The following ASPM variants were observed in gnomAD, a reference collection of about 807,000 sequenced individuals.
ASPM encodes the protein abnormal spindle-like microcephaly-associated protein.
In ASPM, 256 loss-of-function variants were observed where a neutral mutation model predicts 366.4. The ratio of observed to expected loss-of-function variants is 0.70; its 90% confidence interval spans 0.63 to 0.77. The LOEUF (loss-of-function observed/expected upper bound fraction) is 0.77, where lower values mean the gene tolerates loss of function less well. Among genes scored for constraint, ASPM ranks in the 30% least tolerant of loss-of-function variants. ASPM has a pLI of 0.00. For missense variants in ASPM, 4,146 were observed against 4,090.4 expected, an observed-to-expected ratio of 1.01 and a Z score of -0.37; for synonymous variants, 1,414 against 1,342.9, an observed-to-expected ratio of 1.05 and a Z score of -1.16.
At chr1:197,091,456 G>T (rs1049474803) in intron 22 of ASPM, among the ~76,000 whole-genome samples, 7 of 151,646 alleles carry the variant, frequency 4.6e-5, no homozygotes, top group African/African-American at 1.5e-4. Flanking sequence ...ATGGAAAAAC[G>T]GGCAAAGTGT....
intron 17 of ASPM, among the ~76,000 whole-genome samples, chr1:197,116,115 C>A (rs1057079358): frequency 6.6e-6 from 1 of 152,180 alleles, no homozygotes; most frequent in Non-Finnish European, 1.5e-5. Context: ...TAACTTACTG[C>A]AGCTTCTACA....
chr1:197,110,114 T>C (rs1657537725), intron 17 of ASPM, among the ~76,000 whole-genome samples: 1 of 151,926 alleles, frequency 6.6e-6, no homozygotes, highest in African/African-American at 2.4e-5. Flanking sequence ...AACTAGAAAA[T>C]TCCAACTCAT....
chr1:197,107,029 C>T (rs566844680), intron 17 of ASPM, among the ~76,000 whole-genome samples: 12 of 152,034 alleles, frequency 7.9e-5, no homozygotes, highest in African/African-American at 2.2e-4. Flanking sequence ...GAGATATGGG[C>T]GCAGTCATGG....
chr1:197,101,357 G>A lies in ASPM; in HGVS notation c.7894C>T (p.Gln2632Ter), dbSNP rs199422175. The change falls in exon 18 of 28, where the codon CAG becomes TAG. Residue 2632 changes from glutamine to a stop codon, truncating the protein, a stop_gained. Transcript: ENST00000367409. LOFTEE classifies it high-confidence loss of function. Reference protein sequence around the residue: ...QEQHQAAIIIQKHCKAFKIRK... With the variant: ...QEQHQAAIII ...ATTTTAAAGGCTTTACAATGCTTCT[G>A]AATAATAATGGCAGCCTGGTGCTGT... The A allele has an allele frequency of 1.2e-6, 2 of 1,610,334 alleles. No individual in the cohort carries two copies. Among genetic ancestry groups the A allele is most frequent in the Non-Finnish European group, 1.7e-6 (2 of 1,178,880 alleles).
At position 197,103,120 on chromosome 1, in the gene ASPM, T is replaced by C. The variant is rs145645602; in HGVS notation, c.6131A>G (p.Asn2044Ser). 389 of 1,612,732 alleles carry C rather than the reference T, an allele frequency of 2.4e-4. No homozygotes were observed. The highest frequency in any genetic ancestry group is 3.2e-4 in the Non-Finnish European group (381 of 1,179,336). ...MKVRKRIKDCNKAAVTIQSKY... is the reference protein window; with the variant it reads ...MKVRKRIKDCSKAAVTIQSKY... ...AGACTGTATAGTGACTGCTGCTTTGTTGCAATCCTTTATTCTTTTTCTCAC... is the reference window on the plus strand; with the variant it reads ...AGACTGTATAGTGACTGCTGCTTTGCTGCAATCCTTTATTCTTTTTCTCAC... Residue 2044 changes from asparagine to serine, a missense_variant, in exon 18 of 28, where the codon AAC (asparagine) becomes AGC (serine). This residue lies in a region of ASPM where 3,624 missense variants were observed against 3,591.7 expected (regional missense o/e 1.01). Coordinates refer to ENST00000367409, the MANE Select transcript of ASPM (RefSeq NM_018136.5).
chr1:197,088,324 C>T lies in ASPM; in HGVS notation c.10093G>A (p.Gly3365Ser). ...EKPGNKVADK[G>S]GSIFTKTCCL... ...CAAGTTTTTGTAAAAATGCTTCCGC[C>T]TTTGTCTGCAACTTTATTACCAGGC... Residue 3365 changes from glycine (G) to serine (S), a missense_variant, in exon 26 of 28, where the codon GGC (glycine) becomes AGC (serine). Physicochemically the swap from Gly to Ser is moderately conservative, Grantham distance 56. Around this residue, in one of 3 missense-constraint regions of ASPM, gnomAD observed 3,624 missense variants for 3,591.7 expected, o/e 1.01. Coordinates refer to ENST00000367409, the MANE Select transcript of ASPM (RefSeq NM_018136.5). 6.2e-7 allele frequency: 1 copy of T among 1,613,456 alleles called. No individual in the cohort carries two copies. The highest frequency in any genetic ancestry group is 1.1e-5 in the South Asian group (1 of 91,052).
At chr1:197,093,784 A>G (rs1295742923) in intron 20 of ASPM, among the ~76,000 whole-genome samples, 1 of 151,858 alleles carries the variant, frequency 6.6e-6, no homozygotes, top group Non-Finnish European at 1.5e-5. Flanking sequence ...CAGGGTTGAC[A>G]GAAACCTTTA....
intron 18 of ASPM, among the ~76,000 whole-genome samples, chr1:197,097,526 G>C (rs1398523630): frequency 6.6e-6 from 1 of 151,748 alleles, no homozygotes; most frequent in African/African-American, 2.4e-5. Context: ...CGTATATTTA[G>C]ATTAGGTTCT....
chr1:197,093,007 G>C, intron 21 of ASPM, 45 bp downstream of exon 21: 2 of 1,474,144 alleles, frequency 1.4e-6, no homozygotes, highest in Non-Finnish European at 1.9e-6. Flanking sequence ...AACATCAAGT[G>C]CTTTCATTTT....
rs1244287923 is a variant in ASPM at position 197,134,058 on chromosome 1, C to T, written c.2174-463G>A. ...ACTTTTTTCTTTTTTTTTAAGTGATCTCTAAGATCACTGCTTAGAGAGCAT... is the reference window on the plus strand; with the variant it reads ...ACTTTTTTCTTTTTTTTTAAGTGATTTCTAAGATCACTGCTTAGAGAGCAT... On this transcript the variant is annotated intron_variant, in intron 5 of 27. Coordinates refer to ENST00000367409, the MANE Select transcript of ASPM (RefSeq NM_018136.5). Among the ~76,000 whole-genome samples the T allele has an allele frequency of 3.3e-5, 5 of 151,466 alleles. No individual in the cohort carries two copies. In the South Asian group the frequency reaches 8.3e-4, roughly 25 times the overall value.
chr1:197,135,265 G>C (rs1272167915), intron 4 of ASPM, 23 bp from the exon 5 acceptor site: 3 of 1,612,428 alleles, frequency 1.9e-6, no homozygotes, highest in Non-Finnish European at 2.5e-6. Flanking sequence ...TTAGGTTACT[G>C]CATAACAAAA....
At chr1:197,090,458 T>C (rs1656744331) in intron 23 of ASPM, 70 bp from the exon 24 acceptor site, 4 of 1,198,128 alleles carry the variant, frequency 3.3e-6, no homozygotes, top group African/African-American at 3.1e-5. Flanking sequence ...ACATCTGTTT[T>C]CACAATGTAA....
In ASPM at chr1:197,115,281, C is replaced by T. The variant is rs1448287000; in HGVS notation, c.4065+2508G>A. Among the ~76,000 whole-genome samples the T allele has an allele frequency of 2.0e-5, 3 of 152,176 alleles. No individual in the cohort carries two copies. The East Asian group carries it at 5.8e-4, about 29-fold the overall frequency. ...ATCATGAGATTGCTGCAATTCGGCA[C>T]ACCTTCAGGCACCACTTCTAATTCT... is the stretch of plus-strand genomic sequence containing the variant. On this transcript the variant is annotated intron_variant, in intron 17 of 27. Coordinates refer to ENST00000367409, the MANE Select transcript of ASPM (RefSeq NM_018136.5).
chr1:197,133,772 A>G (rs895729507), intron 5 of ASPM, among the ~76,000 whole-genome samples, 177 bp from the exon 6 acceptor site: 2 of 152,186 alleles, frequency 1.3e-5, no homozygotes, highest in Non-Finnish European at 2.9e-5. Flanking sequence ...TGCAAAATGT[A>G]TTCCAAGTCT....
chr1:197,123,048 A>C (rs968506005), intron 13 of ASPM, among the ~76,000 whole-genome samples: 1 of 152,198 alleles, frequency 6.6e-6, no homozygotes, highest in Non-Finnish European at 1.5e-5. Context: ...AACCTTGTTC[A>C]CAGGTGTTTC....
At position 197,129,917 on chromosome 1, in the gene ASPM, T is replaced by C. The variant is rs1557959501; in HGVS notation, c.2627A>G (p.Asp876Gly). Residue 876 changes from aspartate (D) to glycine (G), a missense_variant and splice_region_variant, in exon 8 of 28, where the codon GAT (aspartate) becomes GGT (glycine). Coordinates refer to ENST00000367409, the MANE Select transcript of ASPM (RefSeq NM_018136.5). The stretch of plus-strand genomic sequence containing the variant: ...GTAGGAGAGGCAGAGATACTTACCA[T>C]CTCTATACAGGTGAGGAACAGTGGG... Reference protein sequence around the residue: ...RHPTVPHLYRDGHEEALSKFT... With the variant: ...RHPTVPHLYRGGHEEALSKFT... 6 of 1,613,034 alleles carry C rather than the reference T, an allele frequency of 3.7e-6. No individual in the cohort carries two copies. In the African/African-American group the frequency reaches 4.0e-5, roughly 11 times the overall value.
In ASPM at chr1:197,133,601, TA is replaced by T; in HGVS notation, c.2174-7del. On this transcript the variant is annotated splice_region_variant and splice_polypyrimidine_tract_variant and intron_variant, in intron 5 of 27. Coordinates refer to ENST00000367409, the MANE Select transcript of ASPM (RefSeq NM_018136.5). ...AAGAAGAGTAGCAGCATTTACTGGG[TA>T]AAAACAAAAGAAAGAATGTTTCTGG... The T allele has an allele frequency of 6.2e-7, 1 of 1,611,976 alleles. No homozygotes were observed. The highest frequency in any genetic ancestry group is 8.5e-7 in the Non-Finnish European group (1 of 1,178,272).
At chr1:197,116,472 T>C (rs1460114927) in intron 17 of ASPM, among the ~76,000 whole-genome samples, 1 of 152,178 alleles carries the variant, frequency 6.6e-6, no homozygotes, top group Non-Finnish European at 1.5e-5. Context: ...GAAAAAGTGT[T>C]GCAGACTTGC....
chr1:197,089,827 T>C (rs776625229), intron 25 of ASPM, 103 bp downstream of exon 25: 4 of 1,137,474 alleles, frequency 3.5e-6, no homozygotes, highest in Non-Finnish European at 5.2e-6. Flanking sequence ...ATAAATGAAT[T>C]TAACTTAGAG....
Sources: allele counts gnomAD v4.1 joint callset (sites outside exome capture counted in the v4.1 genomes callset), GRCh38; gene constraint gnomAD v4.1.1; regional missense constraint gnomAD v4.1.1; transcripts MANE v1.5; gene names NCBI Gene and HGNC (gene_info 2026-07-23, HGNC 2026-07-21).